The following TENM4 variants were observed in gnomAD, a reference collection of about 807,000 sequenced individuals.
The protein encoded by TENM4 is teneurin transmembrane protein 4.
Under a neutral mutation model 243.3 loss-of-function variants are expected in TENM4, and 82 were observed. That is an observed-to-expected ratio of 0.34 (90% CI 0.28 to 0.40). The LOEUF is 0.40. TENM4 is among the 10% of genes least tolerant of loss of function. The pLI is 1.00. For synonymous variants in TENM4, 1,412 were observed against 1,456.3 expected (o/e 0.97, Z 0.69); for missense variants, 3,138 against 3,673.3 (o/e 0.85, Z 3.77).
chr11:79,411,081 C>T (rs951281880), intron 1 of TENM4, among the ~76,000 whole-genome samples: 6 of 152,146 alleles, frequency 3.9e-5, no homozygotes, highest in African/African-American at 1.4e-4. Flanking sequence ...CCCTTCTATC[C>T]AGGCTACTTG....
chr11:79,250,255 G>C (rs1218296295), intron 2 of TENM4, among the ~76,000 whole-genome samples: 1 of 152,222 alleles, frequency 6.6e-6, no homozygotes, highest in African/African-American at 2.4e-5. Context: ...CCAAAGTGCT[G>C]GGATTACAGG....
At chr11:78,697,317 C>T (rs974593470) in intron 28 of TENM4, among the ~76,000 whole-genome samples, 78 of 152,188 alleles carry the variant, frequency 5.1e-4, no homozygotes, top group African/African-American at 1.9e-3. Flanking sequence ...GGGCCCACAT[C>T]TTGTCTCTTT....
chr11:78,846,965 C>T (rs1020110057), intron 12 of TENM4, among the ~76,000 whole-genome samples: 6 of 152,294 alleles, frequency 3.9e-5, no homozygotes, highest in Admixed American at 3.3e-4. Flanking sequence ...CTCTGAGTGT[C>T]CAAGTGACAC....
At chr11:79,192,672 C>T (rs1470790014) in intron 3 of TENM4, among the ~76,000 whole-genome samples, 5 of 152,002 alleles carry the variant, frequency 3.3e-5, no homozygotes, top group Non-Finnish European at 7.4e-5. Flanking sequence ...TGTTTGTCTG[C>T]TGACCTTCCC....
At chr11:79,064,084 CTTAT>C (rs140989157) in intron 6 of TENM4, among the ~76,000 whole-genome samples, 71,705 of 151,554 alleles carry the variant, frequency 0.47, 17,732 homozygotes, top group Middle Eastern at 0.56. Context: ...ATCTCACATA[CTTAT>C]TTTTTTGTGG....
intron 3 of TENM4, among the ~76,000 whole-genome samples, chr11:79,196,979 C>T (rs540739573): frequency 2.0e-5 from 3 of 152,204 alleles, no homozygotes; most frequent in Non-Finnish European, 4.4e-5. Flanking sequence ...CCTGGTCATG[C>T]CCAGGGTTAA....
At chr11:78,888,506 T>G (rs181838460) in intron 9 of TENM4, among the ~76,000 whole-genome samples, 3 of 152,230 alleles carry the variant, frequency 2.0e-5, no homozygotes, top group Non-Finnish European at 4.4e-5. Flanking sequence ...CTTATTTTTA[T>G]AAAATTCAAG....
intron 2 of TENM4, among the ~76,000 whole-genome samples, chr11:79,225,545 G>C (rs1049109918): frequency 7.9e-5 from 12 of 152,164 alleles, no homozygotes; most frequent in African/African-American, 2.7e-4. Context: ...AGCCTCCTGA[G>C]TAGCTGATGT....
At chr11:79,060,862 A>ACC (rs1410799625) in intron 6 of TENM4, among the ~76,000 whole-genome samples, 2 of 152,154 alleles carry the variant, frequency 1.3e-5, no homozygotes. Flanking sequence ...CTGAGAAGTG[A>ACC]CCACACTGTG....
At chr11:78,810,784 C>T (rs937293447) in intron 14 of TENM4, among the ~76,000 whole-genome samples, 10 of 152,122 alleles carry the variant, frequency 6.6e-5, no homozygotes, top group South Asian at 2.1e-4. Context: ...AGCAAAATGA[C>T]GCCTGGGAGA....
Position 78,657,612 on chromosome 11 carries a change from A to G in TENM4, c.*446T>C, listed in dbSNP as rs1026669014. The G allele has an allele frequency of 8.8e-6, 3 of 341,996 alleles. No homozygotes were observed. The highest frequency in any genetic ancestry group is 9.1e-5 in the Admixed American group (2 of 22,010). The allele number at this position is 341,996 out of a possible 1,614,324, so 21.2% of individuals were successfully genotyped here. On this transcript the variant is annotated 3_prime_UTR_variant, in exon 34 of 34. Coordinates refer to ENST00000278550, the MANE Select transcript of TENM4 (RefSeq NM_001098816.3). ...CTTGGAAGGGGTGTTGTACTGGCCC[A>G]TCACTCCCTTTACTCCTGCCCGACC...
intron 6 of TENM4, among the ~76,000 whole-genome samples, chr11:79,006,358 T>C (rs967622070): frequency 2.0e-5 from 3 of 152,224 alleles, no homozygotes; most frequent in Non-Finnish European, 4.4e-5. Context: ...TTCATTTTCA[T>C]GACCCCAAAC....
chr11:78,771,839 G>A (rs115548133), intron 17 of TENM4, among the ~76,000 whole-genome samples: 2,241 of 152,282 alleles, frequency 0.015, 72 homozygotes, highest in African/African-American at 0.052. Context: ...TGAGTGCAAC[G>A]CAGGTACAGC....
At chr11:79,387,814 G>A (rs1445777583) in intron 1 of TENM4, among the ~76,000 whole-genome samples, 1 of 152,128 alleles carries the variant, frequency 6.6e-6, no homozygotes, top group Non-Finnish European at 1.5e-5. Context: ...AGACCAGCCC[G>A]GGCAACATGG....
At chr11:79,253,657 C>A (rs776966230) in intron 2 of TENM4, among the ~76,000 whole-genome samples, 2 of 152,134 alleles carry the variant, frequency 1.3e-5, no homozygotes, top group Non-Finnish European at 2.9e-5. Context: ...AATTAATCGC[C>A]CTGTTTTCTG....
chr11:78,854,240 G>C lies in TENM4; in HGVS notation c.1545C>G (p.Arg515=), dbSNP rs1591072840. Residue 515 remains arginine (R), a synonymous_variant, in exon 12 of 34, where the codon CGC becomes CGG. Transcript: ENST00000278550. ...QEARSLEGTP[R]QSRGTVPPSS... The stretch of plus-strand genomic sequence containing the variant: ...AGGGGGGCACAGTTCCCCGAGACTG[G>C]CGCGGGGTCCCCTCTAGGCTCCGCG... 15 of 1,551,196 alleles carry C rather than the reference G, an allele frequency of 9.7e-6. No individual in the cohort carries two copies. The East Asian group carries it at 3.4e-4, about 35-fold the overall frequency.
At chr11:79,133,566 C>G (rs551261828) in intron 4 of TENM4, among the ~76,000 whole-genome samples, 33 of 151,916 alleles carry the variant, frequency 2.2e-4, no homozygotes, top group African/African-American at 8.0e-4. Flanking sequence ...AACTATGGAC[C>G]AATAATCTTA....
chr11:79,115,023 G>A (rs1306169011), intron 4 of TENM4, among the ~76,000 whole-genome samples: 6 of 152,148 alleles, frequency 3.9e-5, no homozygotes, highest in South Asian at 2.1e-4. Flanking sequence ...TGAGCTTAAG[G>A]GCTAGTCAGG....
At chr11:79,132,186 CA>C (rs552066939) in intron 4 of TENM4, among the ~76,000 whole-genome samples, 16 of 145,374 alleles carry the variant, frequency 1.1e-4, no homozygotes, top group South Asian at 6.6e-4. Flanking sequence ...ACTAAAAATA[CA>C]AAAAAAAAAT....
Sources: gnomAD v4.1 joint callset for allele counts (sites outside exome capture counted in the v4.1 genomes callset) on GRCh38, gnomAD v4.1.1 for gene constraint, MANE v1.5 for transcripts, NCBI Gene and HGNC (gene_info 2026-07-23, HGNC 2026-07-21) for gene names.